ZNF654: variants seen among roughly 807,000 people sequenced by gnomAD.
The protein encoded by ZNF654 is zinc finger protein 654.
A neutral mutation model predicts 95.3 loss-of-function variants in ZNF654; 19 were observed. That is an observed-to-expected ratio of 0.20 (90% confidence interval 0.14 to 0.29). The LOEUF (loss-of-function observed/expected upper bound fraction) is 0.29, where lower values mean the gene tolerates loss of function less well. Ranked by LOEUF, ZNF654 falls within the 10% of genes least tolerant of loss-of-function variation. The pLI, the probability that ZNF654 is intolerant of heterozygous loss-of-function variation, is 1.00. For missense variants in ZNF654, 1,046 were observed against 1,341.0 expected (o/e 0.78, Z 3.44); for synonymous variants, 413 against 457.9 (o/e 0.90, Z 1.25).
intron 7 of ZNF654, 140 bp from the exon 8 acceptor site, chr3:88,138,565 C>G (rs1320661605): frequency 2.0e-5 from 9 of 446,348 alleles, no homozygotes; most frequent in Non-Finnish European, 2.9e-5. Flanking sequence ...TTAAACAAGG[C>G]TACTAAATAT....
intron 2 of ZNF654, among the ~76,000 whole-genome samples, chr3:88,109,142 A>AGT (rs35595112): frequency 0.19 from 26,778 of 142,152 alleles, 2,463 homozygotes; most frequent in East Asian, 0.28. Flanking sequence ...AGTGGGCACT[A>AGT]GTGTGTGTGT....
chr3:88,072,915 G>C (rs1707595890), intron 1 of ZNF654, among the ~76,000 whole-genome samples: 1 of 152,188 alleles, frequency 6.6e-6, no homozygotes, highest in African/African-American at 2.4e-5. Context: ...TTCTGATAGA[G>C]ATAATTTGGA....
chr3:88,121,105 T>C (rs1705743176), intron 3 of ZNF654, among the ~76,000 whole-genome samples: 1 of 151,676 alleles, frequency 6.6e-6, no homozygotes, highest in African/African-American at 2.4e-5. Flanking sequence ...GTAAAATAAA[T>C]AATAAATCCA....
intron 2 of ZNF654, among the ~76,000 whole-genome samples, chr3:88,100,975 T>G (rs990431924): frequency 1.3e-5 from 2 of 152,110 alleles, no homozygotes; most frequent in Admixed American, 6.6e-5. Context: ...AAAACTTTAT[T>G]ATGACAATTT....
At chr3:88,123,021 AAAAAAGT>A (rs1456285098) in intron 3 of ZNF654, among the ~76,000 whole-genome samples, 4 of 151,706 alleles carry the variant, frequency 2.6e-5, no homozygotes, top group East Asian at 1.9e-4. Context: ...CAAAAAAAAA[AAAAAAGT>A]AAAAAGAAAA....
At chr3:88,064,969 A>G (rs1365696985) in intron 1 of ZNF654, among the ~76,000 whole-genome samples, 1 of 152,258 alleles carries the variant, frequency 6.6e-6, no homozygotes, top group Non-Finnish European at 1.5e-5. Context: ...TGTGGTGAAT[A>G]TCCAGAGCTA....
chr3:88,060,434 C>T (rs1029267190), intron 1 of ZNF654, among the ~76,000 whole-genome samples: 1 of 152,130 alleles, frequency 6.6e-6, no homozygotes, highest in African/African-American at 2.4e-5. Context: ...GTAATTTAAA[C>T]GGTTTGTTCC....
intron 1 of ZNF654, among the ~76,000 whole-genome samples, chr3:88,060,054 CG>C (rs1363737659): frequency 6.6e-6 from 1 of 151,866 alleles, no homozygotes; most frequent in African/African-American, 2.4e-5. Flanking sequence ...TTGGCGTAGA[CG>C]CTGACCCACG....
chr3:88,130,353 A>G (rs888957031), intron 6 of ZNF654, among the ~76,000 whole-genome samples: 1 of 152,190 alleles, frequency 6.6e-6, no homozygotes, highest in African/African-American at 2.4e-5. Context: ...TGAAATGATC[A>G]TGGGCTATAA....
At chr3:88,099,190 A>G (rs1559709197) in intron 2 of ZNF654, among the ~76,000 whole-genome samples, 1 of 152,138 alleles carries the variant, frequency 6.6e-6, no homozygotes, top group African/African-American at 2.4e-5. Flanking sequence ...CTACACCAAT[A>G]ACAGACAGAG....
chr3:88,107,943 A>G (rs1704844000), intron 2 of ZNF654, among the ~76,000 whole-genome samples: 1 of 151,918 alleles, frequency 6.6e-6, no homozygotes, highest in Non-Finnish European at 1.5e-5. Flanking sequence ...CCTTGTTCAT[A>G]GTGCTGTGTT....
intron 2 of ZNF654, among the ~76,000 whole-genome samples, chr3:88,092,312 T>C (rs562858481): frequency 7.7e-4 from 117 of 152,308 alleles, no homozygotes; most frequent in African/African-American, 2.8e-3. Context: ...TAAAATAGAA[T>C]ATAAGATAGA....
chr3:88,135,010 G>A, intron 6 of ZNF654, 51 bp from the exon 7 acceptor site: 1 of 1,244,958 alleles, frequency 8.0e-7, no homozygotes, highest in Non-Finnish European at 1.0e-6. Flanking sequence ...GCTAATGTCT[G>A]TATTTGAATA....
At chr3:88,112,307 G>T (rs1705141175) in intron 2 of ZNF654, among the ~76,000 whole-genome samples, 1 of 151,340 alleles carries the variant, frequency 6.6e-6, no homozygotes, top group Non-Finnish European at 1.5e-5. Context: ...ACAACTTTAG[G>T]TAGTTACACT....
chr3:88,090,587 C>T (rs373268230), intron 2 of ZNF654, among the ~76,000 whole-genome samples: 9 of 150,482 alleles, frequency 6.0e-5, no homozygotes, highest in African/African-American at 1.2e-4. Context: ...TTTATAAGTG[C>T]GGTATAGCCT....
rs945525178 is a variant in ZNF654, at chr3:88,139,031, C to T, written c.1362C>T (p.Phe454=). 1.6e-4 allele frequency: 198 copies of T among 1,242,932 alleles called. No homozygotes were observed. Among genetic ancestry groups the T allele is most frequent in the Non-Finnish European group, 2.0e-4 (195 of 995,250 alleles). 77.0% of individuals were successfully genotyped at this position (1,242,932 alleles called of 1,614,324 possible). ...TTTTTGACCCTGAATTTTGGAACTT[C>T]GTAATGATTAAGAAAAACTGTGTAG... ...GLFFDPEFWN[F]VMIKKNCVAL... Residue 454 remains phenylalanine, a synonymous_variant, in exon 8 of 9, where the codon TTC becomes TTT. Coordinates refer to ENST00000636215, the MANE Select transcript of ZNF654 (RefSeq NM_001350134.2).
intron 1 of ZNF654, among the ~76,000 whole-genome samples, chr3:88,085,015 ATC>A (rs1306224261): frequency 6.6e-6 from 1 of 152,198 alleles, no homozygotes; most frequent in Non-Finnish European, 1.5e-5. Flanking sequence ...GGGAGACAGC[ATC>A]TCTGTTTTTC....
At chr3:88,074,362 G>A (rs1437662065) in intron 1 of ZNF654, among the ~76,000 whole-genome samples, 3 of 119,328 alleles carry the variant, frequency 2.5e-5, no homozygotes, top group African/African-American at 6.1e-5. Context: ...TTTTTTTTGA[G>A]ACTGAGTCTT....
At chr3:88,067,816 A>T (rs913477800) in intron 1 of ZNF654, among the ~76,000 whole-genome samples, 1 of 152,126 alleles carries the variant, frequency 6.6e-6, no homozygotes, top group Non-Finnish European at 1.5e-5. Flanking sequence ...CAAATAACCT[A>T]TAAAGGAGAA....
Sources: gnomAD v4.1 joint callset for allele counts (sites outside exome capture counted in the v4.1 genomes callset) on GRCh38, gnomAD v4.1.1 for gene constraint, MANE v1.5 for transcripts, NCBI Gene and HGNC (gene_info 2026-07-23, HGNC 2026-07-21) for gene names.